The following SERPINI1 variants were observed in gnomAD, a reference collection of about 807,000 sequenced individuals.
The protein encoded by SERPINI1 is neuroserpin.
Under a neutral mutation model 41.1 loss-of-function variants are expected in SERPINI1, and 19 were observed. The ratio of observed to expected loss-of-function variants is 0.46; its 90% CI spans 0.32 to 0.68. The LOEUF is 0.68. SERPINI1 is among the 30% of genes least tolerant of loss of function. The pLI is 0.03. For missense variants in SERPINI1, 460 were observed against 479.2 expected (o/e 0.96, Z 0.37); for synonymous variants, 138 against 156.6 (o/e 0.88, Z 0.89).
intron 4 of SERPINI1, among the ~76,000 whole-genome samples, chr3:167,794,215 G>A (rs543619452): frequency 1.3e-5 from 2 of 150,422 alleles, no homozygotes; most frequent in Non-Finnish European, 3.0e-5. Context: ...TAAAAATCAA[G>A]TCTTGAATAC....
intron 1 of SERPINI1, among the ~76,000 whole-genome samples, chr3:167,769,214 A>T (rs541090857): frequency 6.6e-6 from 1 of 151,976 alleles, no homozygotes; most frequent in Non-Finnish European, 1.5e-5. Flanking sequence ...GGATGGTCTC[A>T]ATCTCTTGAC....
intron 5 of SERPINI1, among the ~76,000 whole-genome samples, chr3:167,802,295 G>C (rs1231329047): frequency 6.6e-6 from 1 of 151,822 alleles, no homozygotes; most frequent in East Asian, 1.9e-4. Flanking sequence ...TTAAACTAAA[G>C]AGCTTCTGCA....
At chr3:167,782,614 G>A (rs903571570) in intron 1 of SERPINI1, among the ~76,000 whole-genome samples, 1 of 152,130 alleles carries the variant, frequency 6.6e-6, no homozygotes, top group Non-Finnish European at 1.5e-5. Context: ...TCCTCAAAAA[G>A]CTTAGGACAA....
At chr3:167,822,920 A>T (rs924621256) in intron 6 of SERPINI1, 66 bp from the exon 7 acceptor site, 4 of 902,062 alleles carry the variant, frequency 4.4e-6, no homozygotes, top group African/African-American at 3.3e-5. Context: ...AATCCATTTA[A>T]CAAAAGGGCA....
rs185625773 is a variant in SERPINI1 at position 167,814,892 on chromosome 3, G to A, written c.979+7551G>A. 1.2e-4 allele frequency among the ~76,000 whole-genome samples: 18 copies of A among 151,820 alleles called. 1 individual carries two copies. In the East Asian group the frequency reaches 3.1e-3, roughly 26 times the overall value. On this transcript the variant is annotated intron_variant, in intron 6 of 8. Transcript: ENST00000446050. ...GTAGGACCAGTCATTTGGCAGCACT[G>A]TCTGCTGTGGCCAGAAGGAAAAGGC...
chr3:167,786,012 C>T (rs1468540868), intron 1 of SERPINI1, among the ~76,000 whole-genome samples: 2 of 152,200 alleles, frequency 1.3e-5, no homozygotes, highest in Non-Finnish European at 2.9e-5. Context: ...ACCTAGATAG[C>T]ATAGCCTACT....
At chr3:167,816,980 C>G (rs926475467) in intron 6 of SERPINI1, among the ~76,000 whole-genome samples, 6 of 151,924 alleles carry the variant, frequency 3.9e-5, no homozygotes, top group African/African-American at 1.5e-4. Flanking sequence ...GATGGAGGTC[C>G]TTATAGTTTA....
intron 1 of SERPINI1, among the ~76,000 whole-genome samples, chr3:167,756,321 A>G (rs1408659392): frequency 2.6e-5 from 4 of 151,924 alleles, no homozygotes; most frequent in Non-Finnish European, 5.9e-5. Context: ...TTTTGAGACA[A>G]TGTCTCACTC....
chr3:167,744,710 A>T (rs1301230474), intron 1 of SERPINI1, among the ~76,000 whole-genome samples: 5 of 130,596 alleles, frequency 3.8e-5, no homozygotes, highest in Non-Finnish European at 8.0e-5. Flanking sequence ...ATATATATAA[A>T]ATATATATAA....
chr3:167,747,728 C>T (rs1725907201), intron 1 of SERPINI1, among the ~76,000 whole-genome samples: 8 of 152,096 alleles, frequency 5.3e-5, no homozygotes, highest in Admixed American at 5.2e-4. Flanking sequence ...TTTTAATAAA[C>T]CTGCTTTTTA....
At position 167,794,720 on chromosome 3, in the gene SERPINI1, A is replaced by T; in HGVS notation, c.777A>T (p.Arg259Ser). 1 of 1,613,750 alleles carries T rather than the reference A, an allele frequency of 6.2e-7. No individual in the cohort carries two copies. Among genetic ancestry groups the T allele is most frequent in the South Asian group, 1.1e-5 (1 of 91,068 alleles). The part of the protein sequence containing the change: ...DEISMMLVLS[R>S]QEVPLATLEP... The stretch of plus-strand genomic sequence containing the variant: ...TAAGCATGATGCTGGTGCTGTCCAG[A>T]CAGGAAGTTCCTCTTGCTACTCTGG... Residue 259 changes from arginine (R) to serine (S), a missense_variant, in exon 5 of 9, where the codon AGA becomes AGT. Arg to Ser is a moderately radical substitution (Grantham distance 110). Coordinates refer to ENST00000446050, the MANE Select transcript of SERPINI1 (RefSeq NM_001122752.2).
At chr3:167,794,414 ATTTTTTTT>A (rs890206402) in intron 4 of SERPINI1, among the ~76,000 whole-genome samples, 198 bp from the exon 5 acceptor site, 1 of 150,924 alleles carries the variant, frequency 6.6e-6, no homozygotes, top group African/African-American at 2.4e-5. Flanking sequence ...CTTTTTATTT[ATTTTTTTT>A]TAGATTTTAT....
chr3:167,777,506 A>G (rs1726998984), intron 1 of SERPINI1, among the ~76,000 whole-genome samples: 1 of 152,150 alleles, frequency 6.6e-6, no homozygotes, highest in Non-Finnish European at 1.5e-5. Flanking sequence ...TACAGCCTCT[A>G]TCTCCCACTA....
In SERPINI1 at chr3:167,792,681, G is replaced by A. The variant is rs1553774750; in HGVS notation, c.573G>A (p.Lys191=). ...INAVYFKGNW[K]SQFRPENTRT... is the part of the protein sequence containing the mutation. ...CTGTCTATTTCAAGGGGAACTGGAA[G>A]TCGCAGTTTAGGCCTGAAAATACTA... Residue 191 remains lysine, a synonymous_variant, in exon 4 of 9, where the codon AAG becomes AAA. Coordinates refer to ENST00000446050, the MANE Select transcript of SERPINI1 (RefSeq NM_001122752.2). 6.2e-7 allele frequency: 1 copy of A among 1,613,846 alleles called. No individual in the cohort carries two copies. The highest frequency in any genetic ancestry group is 8.5e-7 in the Non-Finnish European group (1 of 1,179,894).
rs187370004 is a variant in SERPINI1 at position 167,764,449 on chromosome 3, T to A, written c.-18-24662T>A. Among the ~76,000 whole-genome samples, 8 of 152,180 alleles carry A rather than the reference T, an allele frequency of 5.3e-5. No homozygotes were observed. The East Asian group carries it at 1.4e-3, about 26-fold the overall frequency. ...AACTCCTCTTTTTAAAACTATCAGA[T>A]CTCATGACACATGTTCACTATCATG... On this transcript the variant is annotated intron_variant, in intron 1 of 8. Coordinates refer to ENST00000446050, the MANE Select transcript of SERPINI1 (RefSeq NM_001122752.2).
chr3:167,782,562 A>G (rs1441481429), intron 1 of SERPINI1, among the ~76,000 whole-genome samples: 1 of 152,152 alleles, frequency 6.6e-6, no homozygotes, highest in Non-Finnish European at 1.5e-5. Flanking sequence ...GCTCATTCTG[A>G]TTATCTTAAG....
chr3:167,779,632 G>T (rs1272500846), intron 1 of SERPINI1, among the ~76,000 whole-genome samples: 1 of 152,164 alleles, frequency 6.6e-6, no homozygotes, highest in African/African-American at 2.4e-5. Context: ...AAGACATCCA[G>T]TAATCATCTT....
At chr3:167,780,313 C>G (rs1280375669) in intron 1 of SERPINI1, among the ~76,000 whole-genome samples, 1 of 152,108 alleles carries the variant, frequency 6.6e-6, no homozygotes, top group African/African-American at 2.4e-5. Flanking sequence ...ATAATCCACC[C>G]TATACTCCTA....
chr3:167,760,397 A>G (rs1726338730), intron 1 of SERPINI1, among the ~76,000 whole-genome samples: 1 of 151,766 alleles, frequency 6.6e-6, no homozygotes, highest in Non-Finnish European at 1.5e-5. Flanking sequence ...CTGTGAGATC[A>G]TATGCTGTTC....
Sources: allele counts gnomAD v4.1 joint callset (sites outside exome capture counted in the v4.1 genomes callset), GRCh38; gene constraint gnomAD v4.1.1; transcripts MANE v1.5; gene names NCBI Gene and HGNC (gene_info 2026-07-23, HGNC 2026-07-21).